BARD1: variants seen among roughly 807,000 people sequenced by gnomAD.
BARD1 encodes BRCA1-associated RING domain protein 1.
Under a neutral mutation model 77.0 loss-of-function variants are expected in BARD1, and 73 were observed. The observed-to-expected ratio is 0.95, with a 90% CI of 0.79 to 1.15. The LOEUF (loss-of-function observed/expected upper bound fraction) is 1.15. Ranked by LOEUF, BARD1 falls within the 50% of genes most tolerant of loss-of-function variation. The probability of loss-of-function intolerance (pLI) is 0.00; values close to 1 mark genes in which losing one functional copy is unlikely to be tolerated. For synonymous variants in BARD1, 384 were observed against 338.0 expected (o/e 1.14, Z -1.49); for missense variants, 993 against 938.8 (o/e 1.06, Z -0.75).
intron 1 of BARD1, among the ~76,000 whole-genome samples, chr2:214,798,368 G>A (rs886269924): frequency 6.6e-6 from 1 of 152,076 alleles, no homozygotes; most frequent in Non-Finnish European, 1.5e-5. Flanking sequence ...TTGTGACTCT[G>A]CCAATAAACA....
chr2:214,741,868 CACTTCAACAGAAA>C (rs896802449), intron 9 of BARD1, among the ~76,000 whole-genome samples: 1 of 152,088 alleles, frequency 6.6e-6, no homozygotes, highest in Admixed American at 6.6e-5. Context: ...TAAGACAGAA[CACTTCAACAGAAA>C]ACTTCTCATA....
At chr2:214,803,335 G>C (rs1696114645) in intron 1 of BARD1, among the ~76,000 whole-genome samples, 1 of 152,182 alleles carries the variant, frequency 6.6e-6, no homozygotes, top group African/African-American at 2.4e-5. Flanking sequence ...ATTAGTATAA[G>C]AGGAAGGCAA....
At chr2:214,780,374 G>C (rs191392849) in intron 4 of BARD1, among the ~76,000 whole-genome samples, 186 bp downstream of exon 4, 1 of 152,124 alleles carries the variant, frequency 6.6e-6, no homozygotes, top group African/African-American at 2.4e-5. Flanking sequence ...CCAGACTCAG[G>C]GGCCACTGCT....
In BARD1 at chr2:214,809,525, G is replaced by A. The variant is rs786201402; in HGVS notation, c.45C>T (p.Arg15=). The change falls in exon 1 of 11, where the codon CGC becomes CGT. Residue 15 remains arginine, a synonymous_variant. Coordinates refer to ENST00000260947, the MANE Select transcript of BARD1 (RefSeq NM_000465.4). ...RQPRNRQPRI[R]SGNEPRSAPA... is the part of the protein sequence containing the mutation. ...GCGCGGAACGAGGCTCGTTCCCGGA[G>A]CGGATCCTCGGCTGCCGGTTCCTCG... The A allele has an allele frequency of 1.3e-6, 2 of 1,589,118 alleles. No individual in the cohort carries two copies. Among genetic ancestry groups the A allele is most frequent in the African/African-American group, 1.3e-5 (1 of 74,334 alleles).
chr2:214,755,129 A>T (rs1248411626), intron 6 of BARD1, among the ~76,000 whole-genome samples: 1 of 152,186 alleles, frequency 6.6e-6, no homozygotes, highest in Non-Finnish European at 1.5e-5. Context: ...CCCATTGTAA[A>T]ACTAATAGGT....
intron 6 of BARD1, among the ~76,000 whole-genome samples, chr2:214,763,236 GCCTTCTGTGACTT>G (rs1269835027): frequency 6.6e-6 from 1 of 152,100 alleles, no homozygotes; most frequent in Non-Finnish European, 1.5e-5. Context: ...CTTCCAGAAA[GCCTTCTGTGACTT>G]CCTCTGGTCT....
chr2:214,776,460 T>C (rs1459739457), intron 4 of BARD1, among the ~76,000 whole-genome samples: 2 of 152,212 alleles, frequency 1.3e-5, no homozygotes, highest in Non-Finnish European at 1.5e-5. Flanking sequence ...GTGTTCTCAA[T>C]AGCAGTTTAA....
chr2:214,744,410 T>G (rs1307696846), intron 9 of BARD1, among the ~76,000 whole-genome samples: 3 of 152,316 alleles, frequency 2.0e-5, no homozygotes, highest in Admixed American at 2.0e-4. Flanking sequence ...TTGCTTTCAT[T>G]TCACAGACAT....
intron 9 of BARD1, chr2:214,730,880 G>A (rs566823829): frequency 2.4e-5 from 11 of 459,022 alleles, no homozygotes; most frequent in Non-Finnish European, 4.8e-5. Context: ...AAAAGTCCAT[G>A]ACACAATAAC....
intron 4 of BARD1, among the ~76,000 whole-genome samples, chr2:214,774,151 C>A (rs1320973248): frequency 6.6e-6 from 1 of 152,186 alleles, no homozygotes; most frequent in Non-Finnish European, 1.5e-5. Flanking sequence ...ATTTCTACTA[C>A]ATCTATAGTT....
intron 7 of BARD1, among the ~76,000 whole-genome samples, chr2:214,751,878 CA>C (rs1257329269): frequency 6.6e-6 from 1 of 152,186 alleles, no homozygotes; most frequent in Admixed American, 6.5e-5. Context: ...CCAGCAATAA[CA>C]AACTTCTTTC....
At chr2:214,735,304 A>T (rs1288249623) in intron 9 of BARD1, among the ~76,000 whole-genome samples, 2 of 152,214 alleles carry the variant, frequency 1.3e-5, no homozygotes, top group African/African-American at 4.8e-5. Context: ...CATGGCATCA[A>T]CAGACTGTGA....
chr2:214,770,138 GCT>G (rs1160922256), intron 4 of BARD1, among the ~76,000 whole-genome samples: 1 of 152,128 alleles, frequency 6.6e-6, no homozygotes, highest in African/African-American at 2.4e-5. Flanking sequence ...AGCAACAGTT[GCT>G]CTGTTTAAAA....
Position 214,752,428 on chromosome 2 carries a change from A to C in BARD1, c.1677+19T>G, listed in dbSNP as rs1693496585. On this transcript the variant is annotated intron_variant, in intron 7 of 10. Coordinates refer to ENST00000260947, the MANE Select transcript of BARD1 (RefSeq NM_000465.4). ...TTTAATAAAATATATAAATGTCCCA[A>C]AGCTAAATCCATACTTACTACTGAG... 6.3e-7 allele frequency: 1 copy of C among 1,578,244 alleles called. No individual in the cohort carries two copies. Among genetic ancestry groups the C allele is most frequent in the Non-Finnish European group, 8.7e-7 (1 of 1,147,576 alleles).
intron 4 of BARD1, among the ~76,000 whole-genome samples, chr2:214,780,110 G>A (rs957319693): frequency 6.6e-6 from 1 of 152,142 alleles, no homozygotes; most frequent in African/African-American, 2.4e-5. Flanking sequence ...CAAATGTCCC[G>A]GTCATTGGAG....
intron 5 of BARD1, 82 bp from the exon 6 acceptor site, chr2:214,767,736 A>C (rs1418943303): frequency 1.5e-6 from 2 of 1,294,450 alleles, no homozygotes; most frequent in Non-Finnish European, 2.2e-6. Flanking sequence ...ACTTTAGAAA[A>C]ATAAATGTAA....
chr2:214,792,028 A>G (rs1695536260), intron 3 of BARD1, among the ~76,000 whole-genome samples: 2 of 151,868 alleles, frequency 1.3e-5, no homozygotes, highest in Non-Finnish European at 1.5e-5. Flanking sequence ...TCTCAAAATG[A>G]TCTTCCAAAA....
At chr2:214,754,852 C>T (rs754081000) in intron 6 of BARD1, among the ~76,000 whole-genome samples, 1 of 152,156 alleles carries the variant, frequency 6.6e-6, no homozygotes, top group Non-Finnish European at 1.5e-5. Context: ...TTACCTCAGT[C>T]CTGCATCATG....
intron 6 of BARD1, among the ~76,000 whole-genome samples, chr2:214,757,651 ACT>A (rs1693757657): frequency 1.3e-5 from 2 of 152,276 alleles, no homozygotes; most frequent in East Asian, 1.9e-4. Flanking sequence ...AAAGTCACAA[ACT>A]CTGTTTTGCA....
Sources: allele counts gnomAD v4.1 joint callset (sites outside exome capture counted in the v4.1 genomes callset), GRCh38; gene constraint gnomAD v4.1.1; transcripts MANE v1.5; gene names NCBI Gene and HGNC (gene_info 2026-07-23, HGNC 2026-07-21).